Variants in TTC22 observed in about 807,000 individuals in gnomAD.
The protein encoded by TTC22 is tetratricopeptide repeat domain 22.
A neutral mutation model predicts 48.2 loss-of-function variants in TTC22; 42 were observed. The ratio of observed to expected loss-of-function variants is 0.87; its 90% CI spans 0.68 to 1.13. TTC22 has a LOEUF of 1.13. TTC22 is among the 50% of genes most tolerant of loss of function. The probability of loss-of-function intolerance (pLI) is 0.00; values close to 1 mark genes in which losing one functional copy is unlikely to be tolerated. For synonymous variants in TTC22, 345 were observed against 365.5 expected (o/e 0.94, Z 0.64); for missense variants, 784 against 807.0 (o/e 0.97, Z 0.34).
chr1:54,785,138 G>A (rs1421903207), intron 5 of TTC22: 10 of 199,494 alleles, frequency 5.0e-5, no homozygotes, highest in East Asian at 1.7e-4. Flanking sequence ...CAAAGGTCCC[G>A]TAGCACGTGG....
Position 54,781,458 on chromosome 1 carries a change from C to T in TTC22, c.1495G>A (p.Ala499Thr). ...TTGTCCTGGGCGCGGCGCAGCCAGG[C>T]GTCCACCTCGCGGCCCAGCTCCCCG... ...SDGELGREVD[A>T]WLRRAQDKYP... Residue 499 changes from alanine (A) to threonine (T), a missense_variant, in exon 7 of 7, where the codon GCC becomes ACC. Coordinates refer to ENST00000371276, the MANE Select transcript of TTC22 (RefSeq NM_001114108.2). 2.1e-6 allele frequency: 3 copies of T among 1,455,850 alleles called. No individual in the cohort carries two copies. The South Asian group carries it at 4.1e-5, about 20-fold the overall frequency. 90.2% of individuals were successfully genotyped at this position (1,455,850 alleles called of 1,614,324 possible).
At position 54,801,181 on chromosome 1, in the gene TTC22, C is replaced by G; in HGVS notation, c.-18G>C. On this transcript the variant is annotated 5_prime_UTR_variant, in exon 1 of 7. Transcript: ENST00000371276. Reference sequence around the variant, plus strand: ...TCCGCCATGACTGCTCCCTCTGCTCCCCTGGCCTCACCCTTGTCCCTGAGG... The same window carrying G: ...TCCGCCATGACTGCTCCCTCTGCTCGCCTGGCCTCACCCTTGTCCCTGAGG... The G allele has an allele frequency of 6.2e-7, 1 of 1,608,204 alleles. No individual in the cohort carries two copies. The highest frequency in any genetic ancestry group is 8.5e-7 in the Non-Finnish European group (1 of 1,176,658).
rs768676715 is a variant in TTC22 at position 54,800,686 on chromosome 1, C to T, written c.478G>A (p.Asp160Asn). ...TCCTCTGGGCTGGCGCAGCCGACGT[C>T]GAAGCCATGCGCGTAGCCCTGCTCG... ...LAEQGYAHGF[D>N]VGCASPEERA... Residue 160 changes from aspartate to asparagine, a missense_variant, in exon 1 of 7, where the codon GAC (aspartate) becomes AAC (asparagine). Asp to Asn is a conservative substitution (Grantham distance 23). Coordinates refer to ENST00000371276, the MANE Select transcript of TTC22 (RefSeq NM_001114108.2). 3 of 1,549,042 alleles carry T rather than the reference C, an allele frequency of 1.9e-6. No individual in the cohort carries two copies. Among genetic ancestry groups the T allele is most frequent in the Non-Finnish European group, 2.6e-6 (3 of 1,156,182 alleles).
At chr1:54,792,259 G>C (rs1245784239) in intron 1 of TTC22, among the ~76,000 whole-genome samples, 1 of 152,224 alleles carries the variant, frequency 6.6e-6, no homozygotes, top group Non-Finnish European at 1.5e-5. Context: ...AGCAGCATTT[G>C]CAGGAGGGCT....
intron 1 of TTC22, among the ~76,000 whole-genome samples, chr1:54,792,348 C>T (rs1185058601): frequency 6.6e-6 from 1 of 152,040 alleles, no homozygotes; most frequent in Non-Finnish European, 1.5e-5. Flanking sequence ...CCTCATTGTG[C>T]CTGAGCTTTA....
intron 1 of TTC22, among the ~76,000 whole-genome samples, chr1:54,800,105 T>C (rs1646421549): frequency 6.6e-6 from 1 of 152,148 alleles, no homozygotes; most frequent in Admixed American, 6.5e-5. Flanking sequence ...CTCTCACATC[T>C]TCTCTTACTG....
At chr1:54,789,686 G>A (rs1372337317) in intron 1 of TTC22, among the ~76,000 whole-genome samples, 1 of 152,236 alleles carries the variant, frequency 6.6e-6, no homozygotes, top group Non-Finnish European at 1.5e-5. Context: ...GAAAAGGCAG[G>A]CTCTGGGTCC....
Position 54,786,044 on chromosome 1 carries a change from A to G in TTC22, c.959T>C (p.Met320Thr), listed in dbSNP as rs1373186304. The G allele has an allele frequency of 3.7e-6, 6 of 1,614,106 alleles. No homozygotes were observed. In the Admixed American group the frequency reaches 5.0e-5, roughly 13 times the overall value. The change falls in exon 5 of 7, where the codon ATG (methionine) becomes ACG (threonine). Residue 320 changes from methionine (M) to threonine (T), a missense_variant. Transcript: ENST00000371276. ...TGGATCTCGTAGGACATCCAGGGCC[A>G]TGTTGCAGGTTCCAATGGCCATATC... ...KQDMAIGTCN[M>T]ALDVLRDPEL... is the part of the protein sequence containing the mutation.
Position 54,787,469 on chromosome 1 carries a change from C to T in TTC22, c.739+242G>A, listed in dbSNP as rs547763718. The stretch of plus-strand genomic sequence containing the variant: ...TAGGTGGAAATAGGGGAAACTACCT[C>T]TCACCCTCCAGGTCATGAGCTGCAG... On this transcript the variant is annotated intron_variant, in intron 3 of 6. Coordinates refer to ENST00000371276, the MANE Select transcript of TTC22 (RefSeq NM_001114108.2). The T allele has an allele frequency of 1.3e-4, 75 of 586,268 alleles. 1 individual carries two copies. Among genetic ancestry groups the T allele is most frequent in the African/African-American group, 1.2e-3 (65 of 53,598 alleles). 36.3% of individuals were successfully genotyped at this position (586,268 alleles called of 1,614,324 possible).
intron 5 of TTC22, chr1:54,785,684 G>A: frequency 2.4e-6 from 1 of 415,430 alleles, no homozygotes; most frequent in Non-Finnish European, 4.6e-6. Flanking sequence ...GTGGTGGTGT[G>A]CACCTGTAGT....
rs761165081 is a variant in TTC22 at position 54,800,707 on chromosome 1, G to A, written c.457C>T (p.Gln153Ter). The A allele has an allele frequency of 1.3e-6, 2 of 1,545,438 alleles. No homozygotes were observed. Among genetic ancestry groups the A allele is most frequent in the East Asian group, 2.4e-5 (1 of 41,310 alleles). The change falls in exon 1 of 7, where the codon CAG becomes TAG. Residue 153 changes from glutamine (Q) to a stop codon, truncating the protein, a stop_gained. Coordinates refer to ENST00000371276, the MANE Select transcript of TTC22 (RefSeq NM_001114108.2). LOFTEE classifies it high-confidence loss of function. Reference protein sequence around the residue: ...QLRAARCLAEQGYAHGFDVGC... With the variant: ...QLRAARCLAE ...ACGTCGAAGCCATGCGCGTAGCCCT[G>A]CTCGGCCAGGCAGCGAGCGGCGCGG...
rs1429271132 is a variant in TTC22 at position 54,781,646 on chromosome 1, A to T, written c.1307T>A (p.Leu436Gln). The T allele has an allele frequency of 1.3e-6, 2 of 1,530,546 alleles. No homozygotes were observed. Among genetic ancestry groups the T allele is most frequent in the Non-Finnish European group, 1.7e-6 (2 of 1,144,180 alleles). The allele number at this position is 1,530,546 out of a possible 1,614,324, so 94.8% of individuals were successfully genotyped here. A position where few individuals can be genotyped will look rare whatever the true frequency, so the allele number is the denominator to read the frequency against. Residue 436 changes from leucine to glutamine, a missense_variant, in exon 7 of 7, where the codon CTG becomes CAG. Transcript: ENST00000371276. ...ELGATLPELQLLRGKCLRIKG... is the reference protein window; with the variant it reads ...ELGATLPELQQLRGKCLRIKG... ...GATGCGCAGGCACTTGCCGCGCAGC[A>T]GCTGCAGCTCGGGCAGCGTGGCACC...
rs748317397 is a variant in TTC22 at position 54,786,150 on chromosome 1, T to A, written c.859-6A>T. 8.1e-6 allele frequency: 13 copies of A among 1,613,478 alleles called. No individual in the cohort carries two copies. The highest frequency in any genetic ancestry group is 8.5e-6 in the Non-Finnish European group (10 of 1,179,668). Reference sequence around the variant, plus strand: ...TTCTTGGCAATCTCAATGGCCTAGGTAAGGGAGGAGTGCAAAAACAAACCA... The same window carrying A: ...TTCTTGGCAATCTCAATGGCCTAGGAAAGGGAGGAGTGCAAAAACAAACCA... On this transcript the variant is annotated splice_polypyrimidine_tract_variant and splice_region_variant and intron_variant, in intron 4 of 6. Coordinates refer to ENST00000371276, the MANE Select transcript of TTC22 (RefSeq NM_001114108.2).
intron 5 of TTC22, chr1:54,784,410 G>T: frequency 9.1e-6 from 3 of 328,396 alleles, no homozygotes; most frequent in Non-Finnish European, 1.3e-5. Context: ...GAGTAAAGTT[G>T]GAGTTTCTGA....
intron 1 of TTC22, among the ~76,000 whole-genome samples, chr1:54,790,985 G>A (rs1256497161): frequency 6.6e-6 from 1 of 151,994 alleles, no homozygotes; most frequent in South Asian, 2.1e-4. Context: ...TCAGCCTCCC[G>A]AGTAGCTGGG....
At chr1:54,793,231 G>A (rs1217091722) in intron 1 of TTC22, among the ~76,000 whole-genome samples, 4 of 152,182 alleles carry the variant, frequency 2.6e-5, no homozygotes, top group Non-Finnish European at 4.4e-5. Context: ...TCATGGGAGG[G>A]AACTAGGCGA....
intron 1 of TTC22, among the ~76,000 whole-genome samples, chr1:54,792,008 C>CTGTA (rs1646355563): frequency 6.6e-6 from 1 of 151,874 alleles, no homozygotes; most frequent in Admixed American, 6.6e-5. Flanking sequence ...CCAGTGGTTT[C>CTGTA]ACCACCACTC....
intron 1 of TTC22, 111 bp from the exon 2 acceptor site, chr1:54,788,208 G>C: frequency 9.4e-7 from 1 of 1,058,600 alleles, no homozygotes; most frequent in Non-Finnish European, 1.5e-6. Flanking sequence ...AGTGGGAAGG[G>C]CTTTGACCTT....
chr1:54,796,390 C>T (rs1240076533), intron 1 of TTC22, among the ~76,000 whole-genome samples: 2 of 152,246 alleles, frequency 1.3e-5, no homozygotes, highest in South Asian at 2.1e-4. Flanking sequence ...TGGACAGCCC[C>T]GTGTGCACTG....
Sources: allele counts gnomAD v4.1 joint callset (sites outside exome capture counted in the v4.1 genomes callset), GRCh38; gene constraint gnomAD v4.1.1; transcripts MANE v1.5; gene names NCBI Gene and HGNC (gene_info 2026-07-23, HGNC 2026-07-21).